USP54: variants seen among roughly 807,000 people sequenced by gnomAD.
USP54 encodes the protein ubiquitin specific peptidase 54, also known as ubiquitin carboxyl-terminal hydrolase 54.
Under a neutral mutation model 170.5 loss-of-function variants are expected in USP54, and 87 were observed. The ratio of observed to expected loss-of-function variants is 0.51; its 90% CI spans 0.43 to 0.61. The LOEUF (loss-of-function observed/expected upper bound fraction) is 0.61, where lower values mean the gene tolerates loss of function less well. Ranked by LOEUF, USP54 falls within the 20% of genes least tolerant of loss-of-function variation. USP54 has a pLI of 0.00. For synonymous variants in USP54, 655 were observed against 742.8 expected, an observed-to-expected ratio of 0.88 and a Z score of 1.92; for missense variants, 1,786 against 2,047.8, an observed-to-expected ratio of 0.87 and a Z score of 2.47.
In USP54 at chr10:73,603,762, C is replaced by CA. The variant is rs377361450; in HGVS notation, c.-18+21804dup. On this transcript the variant is annotated intron_variant, in intron 1 of 22. Transcript: ENST00000339859. Reference sequence around the variant, plus strand: ...GACCCTGTCTCAAAAACAAAAACAACAAAAAAAAAAACTACAAGTCAACAA... The same window carrying CA: ...GACCCTGTCTCAAAAACAAAAACAACAAAAAAAAAAAACTACAAGTCAACAA... 2.4e-3 allele frequency among the ~76,000 whole-genome samples: 334 copies of CA among 136,804 alleles called. 1 individual carries two copies. Among genetic ancestry groups the CA allele is most frequent in the Middle Eastern group, 0.012 (3 of 260 alleles). The allele number at this position is 136,804 out of a possible 152,430, so 89.7% of individuals were successfully genotyped here.
intron 4 of USP54, among the ~76,000 whole-genome samples, chr10:73,565,987 T>C (rs1261155964): frequency 6.6e-6 from 1 of 152,082 alleles, no homozygotes; most frequent in Non-Finnish European, 1.5e-5. Flanking sequence ...TCCTAGCATT[T>C]TGGGAGGCCA....
chr10:73,507,341 T>C (rs1316078601), intron 20 of USP54: 1 of 152,120 alleles, frequency 6.6e-6, no homozygotes, highest in Non-Finnish European at 1.5e-5. Flanking sequence ...TGGGGTTTTC[T>C]GAGCCACTCC....
At chr10:73,598,527 A>T (rs1398751992) in intron 1 of USP54, among the ~76,000 whole-genome samples, 1 of 152,214 alleles carries the variant, frequency 6.6e-6, no homozygotes, top group Non-Finnish European at 1.5e-5. Flanking sequence ...CTGTACTCCC[A>T]GCATTTTGGG....
At chr10:73,532,933 T>C (rs2064334733) in intron 12 of USP54, among the ~76,000 whole-genome samples, 1 of 152,218 alleles carries the variant, frequency 6.6e-6, no homozygotes, top group Non-Finnish European at 1.5e-5. Flanking sequence ...CATGAAAATA[T>C]TATGATACTT....
At chr10:73,601,135 A>G (rs368604868) in intron 1 of USP54, among the ~76,000 whole-genome samples, 48 of 152,348 alleles carry the variant, frequency 3.2e-4, no homozygotes, top group African/African-American at 1.1e-3. Context: ...GGGTAAATTA[A>G]AACAAAACAG....
chr10:73,608,411 G>A (rs1429510790), intron 1 of USP54, among the ~76,000 whole-genome samples: 14 of 151,946 alleles, frequency 9.2e-5, no homozygotes, highest in Admixed American at 5.9e-4. Flanking sequence ...ATACATTTAC[G>A]AGTAATTTTA....
chr10:73,582,186 G>A (rs1166690746), intron 1 of USP54, among the ~76,000 whole-genome samples: 1 of 152,120 alleles, frequency 6.6e-6, no homozygotes, highest in African/African-American at 2.4e-5. Context: ...AGGACACTGG[G>A]CCAGGAGGAG....
intron 3 of USP54, 31 bp downstream of exon 3, chr10:73,575,481 A>C: frequency 3.2e-6 from 5 of 1,564,106 alleles, no homozygotes; most frequent in Non-Finnish European, 4.3e-6. Context: ...TAAAAGTCAA[A>C]GTTCACCAAA....
chr10:73,504,568 T>C, intron 22 of USP54: 1 of 454,760 alleles, frequency 2.2e-6, no homozygotes, highest in East Asian at 4.1e-5. Context: ...TCAGCAGCCT[T>C]TGCTTCTCAG....
rs2058778036 is a variant in USP54 at position 73,504,695 on chromosome 10, A to T, written c.4311+155T>A. The T allele has an allele frequency of 5.0e-6, 5 of 998,194 alleles. No homozygotes were observed. In the Admixed American group the frequency reaches 1.4e-4, roughly 27 times the overall value. 61.8% of individuals were successfully genotyped at this position (998,194 alleles called of 1,614,324 possible). On this transcript the variant is annotated intron_variant, in intron 22 of 23. Transcript: ENST00000687698. ...CTGGGCTCCAGCTGAATGTTTGTAA[A>T]TAAAATAATGACTGCGTGTCCTTAT...
intron 10 of USP54, among the ~76,000 whole-genome samples, chr10:73,537,229 T>C (rs188805129): frequency 3.3e-5 from 5 of 152,360 alleles, no homozygotes; most frequent in Non-Finnish European, 2.9e-5. Context: ...CACATATTAA[T>C]ATAATCATAT....
intron 1 of USP54, among the ~76,000 whole-genome samples, chr10:73,623,395 G>C (rs1175427329): frequency 4.0e-5 from 6 of 151,852 alleles, no homozygotes; most frequent in Non-Finnish European, 8.8e-5. Flanking sequence ...CAAAAAAAGA[G>C]AAAAGAAAAT....
At chr10:73,524,887 G>C (rs951772294) in intron 16 of USP54, among the ~76,000 whole-genome samples, 2 of 152,190 alleles carry the variant, frequency 1.3e-5, no homozygotes, top group Non-Finnish European at 2.9e-5. Context: ...AATCATTAGA[G>C]AACACTTTCT....
intron 4 of USP54, among the ~76,000 whole-genome samples, chr10:73,549,816 A>T (rs958407508): frequency 5.9e-5 from 9 of 152,200 alleles, no homozygotes; most frequent in African/African-American, 2.2e-4. Flanking sequence ...TATAAATCAG[A>T]TCATATCATT....
At chr10:73,499,893 G>A (rs1444598523) in intron 23 of USP54, 1 of 152,236 alleles carries the variant, frequency 6.6e-6, no homozygotes, top group South Asian at 2.1e-4. Flanking sequence ...TGTGCATTGT[G>A]TGATTTATTA....
intron 1 of USP54, among the ~76,000 whole-genome samples, chr10:73,606,948 CA>C (rs2079693997): frequency 6.7e-6 from 1 of 149,770 alleles, no homozygotes; most frequent in African/African-American, 2.5e-5. Context: ...CCTAACTGAA[CA>C]GTTTCATACA....
At chr10:73,577,206 A>G (rs930685417) in intron 1 of USP54, among the ~76,000 whole-genome samples, 1 of 152,216 alleles carries the variant, frequency 6.6e-6, no homozygotes, top group South Asian at 2.1e-4. Context: ...TAAATTTGCC[A>G]ACATCAACAA....
chr10:73,569,304 TC>T (rs1376979665), intron 4 of USP54, among the ~76,000 whole-genome samples: 1 of 152,228 alleles, frequency 6.6e-6, no homozygotes, highest in Non-Finnish European at 1.5e-5. Flanking sequence ...TTCTTGTTTA[TC>T]TAAAATTAGA....
intron 1 of USP54, chr10:73,611,560 G>A (rs1228468564): frequency 1.3e-5 from 2 of 151,464 alleles, no homozygotes; most frequent in East Asian, 3.9e-4. Context: ...GGAGGCCAAG[G>A]CAGGTGCATC....
Sources: gnomAD v4.1 joint callset for allele counts (sites outside exome capture counted in the v4.1 genomes callset) on GRCh38, gnomAD v4.1.1 for gene constraint, MANE v1.5 for transcripts, NCBI Gene and HGNC (gene_info 2026-07-23, HGNC 2026-07-21) for gene names.